The following PCDHGB2 variants were observed in gnomAD, a reference collection of about 807,000 sequenced individuals.
PCDHGB2 encodes the protein protocadherin gamma-B2.
Under a neutral mutation model 59.3 loss-of-function variants are expected in PCDHGB2, and 55 were observed. The ratio of observed to expected loss-of-function variants is 0.93; its 90% confidence interval spans 0.75 to 1.16. PCDHGB2 has a LOEUF of 1.16. Ranked by LOEUF, PCDHGB2 falls within the 50% of genes most tolerant of loss-of-function variation. PCDHGB2 has a pLI of 0.00. For missense variants in PCDHGB2, 1,228 were observed against 1,198.5 expected (o/e 1.02, Z -0.36); for synonymous variants, 516 against 512.0 (o/e 1.01, Z -0.11).
intron 1 of PCDHGB2, chr5:141,422,178 G>A (rs1561799748): frequency 1.9e-6 from 3 of 1,563,306 alleles, no homozygotes; most frequent in Non-Finnish European, 1.7e-6. Flanking sequence ...GATTCTATGA[G>A]ATGGAAATTC....
At chr5:141,482,840 G>A (rs1343123459) in intron 1 of PCDHGB2, among the ~76,000 whole-genome samples, 2 of 152,212 alleles carry the variant, frequency 1.3e-5, no homozygotes, top group Admixed American at 6.5e-5. Context: ...GGGAGGCCAA[G>A]GTGGGCAGAT....
chr5:141,410,110 C>T, intron 1 of PCDHGB2: 4 of 1,612,540 alleles, frequency 2.5e-6, no homozygotes, highest in Non-Finnish European at 3.4e-6. Flanking sequence ...GCGACAGGGA[C>T]GCAGCCCGCC....
intron 1 of PCDHGB2, among the ~76,000 whole-genome samples, chr5:141,435,105 G>C (rs1046201852): frequency 2.6e-5 from 4 of 151,940 alleles, no homozygotes; most frequent in African/African-American, 9.7e-5. Flanking sequence ...TATCTAGGGG[G>C]GAGAAATCTA....
At chr5:141,383,976 C>T (rs1438303235) in intron 1 of PCDHGB2, 1 of 1,613,642 alleles carries the variant, frequency 6.2e-7, no homozygotes, top group Non-Finnish European at 8.5e-7. Context: ...TCCCTGAAGA[C>T]ACACCTCTTG....
At chr5:141,393,968 C>T (rs2092886432) in intron 1 of PCDHGB2, 1 of 1,613,770 alleles carries the variant, frequency 6.2e-7, no homozygotes, top group Non-Finnish European at 8.5e-7. Context: ...TTGTCTGTTA[C>T]ACACGTGATA....
intron 2 of PCDHGB2, among the ~76,000 whole-genome samples, chr5:141,501,690 A>G (rs760011264): frequency 5.3e-5 from 8 of 152,158 alleles, no homozygotes; most frequent in Non-Finnish European, 1.0e-4. Context: ...ACTTATCTGC[A>G]GGGTGATTCC....
chr5:141,374,050 T>C (rs1156255025), intron 1 of PCDHGB2: 1 of 1,475,134 alleles, frequency 6.8e-7, no homozygotes, highest in African/African-American at 1.4e-5. Flanking sequence ...TTCTTCCTCT[T>C]CTTAATCCCA....
rs1020682392 is a variant in PCDHGB2 at position 141,371,814 on chromosome 5, G to A, written c.2421+9258G>A. 2.5e-6 allele frequency: 4 copies of A among 1,613,774 alleles called. No individual in the cohort carries two copies. In the East Asian group the frequency reaches 6.7e-5, roughly 27 times the overall value. Reference sequence around the variant, plus strand: ...TCCGCCTGGAGCCTCCATTGCGCATGTCAGAGCCTCGGATCCCGACTTGGG... The same window carrying A: ...TCCGCCTGGAGCCTCCATTGCGCATATCAGAGCCTCGGATCCCGACTTGGG... On this transcript the variant is annotated intron_variant, in intron 1 of 3. Transcript: ENST00000522605.
chr5:141,408,817 G>T (rs2095174337), intron 1 of PCDHGB2: 2 of 1,613,438 alleles, frequency 1.2e-6, no homozygotes, highest in Admixed American at 1.7e-5. Context: ...GGGAAGAACA[G>T]AGATCTCATA....
At chr5:141,396,683 T>G (rs1445621329) in intron 1 of PCDHGB2, 1 of 152,136 alleles carries the variant, frequency 6.6e-6, no homozygotes, top group Non-Finnish European at 1.5e-5. Context: ...ATTGTATTCC[T>G]GCATACCTTC....
intron 1 of PCDHGB2, chr5:141,389,844 G>C: frequency 6.2e-7 from 1 of 1,614,014 alleles, no homozygotes; most frequent in Non-Finnish European, 8.5e-7. Flanking sequence ...ACCACTCTCG[G>C]CCACTGCCAC....
At chr5:141,392,877 A>G in intron 1 of PCDHGB2, 2 of 1,613,506 alleles carry the variant, frequency 1.2e-6, no homozygotes, top group Non-Finnish European at 1.7e-6. Context: ...GCTGCTGGGA[A>G]CGCTGTGGGA....
chr5:141,484,958 G>C (rs2099604320), intron 1 of PCDHGB2: 1 of 575,756 alleles, frequency 1.7e-6, no homozygotes, highest in Non-Finnish European at 3.1e-6. Flanking sequence ...TATTGGCTGA[G>C]CCCGGGAGCC....
At chr5:141,375,812 C>T (rs1162133634) in intron 1 of PCDHGB2, 1 of 1,614,208 alleles carries the variant, frequency 6.2e-7, no homozygotes, top group Non-Finnish European at 8.5e-7. Context: ...TGGCGTGGAG[C>T]TGGCGCCCCG....
In PCDHGB2 at chr5:141,511,358, G is replaced by GT; in HGVS notation, c.*187dup. 1 of 1,355,398 alleles carries GT rather than the reference G, an allele frequency of 7.4e-7. No homozygotes were observed. Among genetic ancestry groups the GT allele is most frequent in the South Asian group, 1.5e-5 (1 of 66,198 alleles). 84.0% of individuals were successfully genotyped at this position (1,355,398 alleles called of 1,614,324 possible). On this transcript the variant is annotated 3_prime_UTR_variant, in exon 4 of 4. Transcript: ENST00000522605. ...GCACCTACCCCTTCCCCCCCAGGGG[G>GT]TTGAATATGCAAAAGCAGTTCCGCT...
intron 1 of PCDHGB2, among the ~76,000 whole-genome samples, chr5:141,380,589 G>C (rs1372737584): frequency 6.6e-6 from 1 of 152,156 alleles, no homozygotes; most frequent in South Asian, 2.1e-4. Flanking sequence ...GTCTAGTAAA[G>C]ATCTTTAATA....
chr5:141,420,191 CAAGAT>C, intron 1 of PCDHGB2: 1 of 1,613,720 alleles, frequency 6.2e-7, no homozygotes, highest in Non-Finnish European at 8.5e-7. Context: ...TCCAGCCACA[CAAGAT>C]AACCTCAACA....
intron 1 of PCDHGB2, chr5:141,382,970 G>A (rs776231859): frequency 1.9e-6 from 3 of 1,609,444 alleles, no homozygotes; most frequent in Non-Finnish European, 2.5e-6. Context: ...GGGACCCCCT[G>A]GGAAGCCTGG....
chr5:141,383,238 A>G (rs1381388622), intron 1 of PCDHGB2: 1 of 1,613,848 alleles, frequency 6.2e-7, no homozygotes, highest in Non-Finnish European at 8.5e-7. Flanking sequence ...TGGAAGATAA[A>G]ATGAATCTTT....
Sources: allele counts gnomAD v4.1 joint callset (sites outside exome capture counted in the v4.1 genomes callset), GRCh38; gene constraint gnomAD v4.1.1; transcripts MANE v1.5; gene names NCBI Gene and HGNC (gene_info 2026-07-23, HGNC 2026-07-21).